The following ULK2 variants were observed in gnomAD, a reference collection of about 807,000 sequenced individuals.
ULK2 encodes unc-51 like autophagy activating kinase 2, also known as serine/threonine-protein kinase ULK2.
Under a neutral mutation model 127.5 loss-of-function variants are expected in ULK2, and 76 were observed. The observed-to-expected ratio is 0.60, with a 90% CI of 0.50 to 0.72. The LOEUF (loss-of-function observed/expected upper bound fraction) is 0.72, where lower values mean the gene tolerates loss of function less well. ULK2 is among the 30% of genes least tolerant of loss of function. ULK2 has a pLI of 0.00. For synonymous variants in ULK2, 452 were observed against 461.9 expected (o/e 0.98, Z 0.28); for missense variants, 1,144 against 1,295.9 (o/e 0.88, Z 1.80).
chr17:19,814,456 T>TTTTTTTTTTGTTTGTTTG (rs1555557161), intron 13 of ULK2, among the ~76,000 whole-genome samples: 2 of 18,252 alleles, frequency 1.1e-4, no homozygotes, highest in African/African-American at 1.9e-4. Flanking sequence ...TTTTTTTTTT[T>TTTTTTTTTTGTTTGTTTG]TTTTTTTGGA....
chr17:19,867,122 T>G (rs1341166764), intron 1 of ULK2, among the ~76,000 whole-genome samples: 1 of 151,934 alleles, frequency 6.6e-6, no homozygotes, highest in Non-Finnish European at 1.5e-5. Context: ...CAGCAGCCGG[T>G]CGGTAGGCGG....
intron 13 of ULK2, 109 bp downstream of exon 13, chr17:19,816,640 T>C (rs2040995800): frequency 1.0e-6 from 1 of 964,828 alleles, no homozygotes. Flanking sequence ...AATAAAATGC[T>C]CATTTGAAAA....
At chr17:19,831,672 A>C (rs2041446714) in intron 10 of ULK2, among the ~76,000 whole-genome samples, 1 of 151,808 alleles carries the variant, frequency 6.6e-6, no homozygotes, top group Non-Finnish European at 1.5e-5. Context: ...TAAAAACACA[A>C]ACAAATTAGC....
chr17:19,782,919 T>TAAACAAACAAAC (rs4005459), intron 22 of ULK2, among the ~76,000 whole-genome samples: 22 of 149,092 alleles, frequency 1.5e-4, no homozygotes, highest in Non-Finnish European at 2.4e-4. Context: ...CTGTCTCAAA[T>TAAACAAACAAAC]AAACAAACAA....
chr17:19,861,064 C>CAAAAAAAAAAAAAA (rs200551375), intron 3 of ULK2: 1 of 138,756 alleles, frequency 7.2e-6, no homozygotes, highest in Non-Finnish European at 1.6e-5. Flanking sequence ...GACTTCTTCT[C>CAAAAAAAAAAAAAA]AAAAAAAAAA....
intron 3 of ULK2, among the ~76,000 whole-genome samples, chr17:19,861,507 T>C (rs754867382): frequency 1.3e-5 from 2 of 151,816 alleles, no homozygotes; most frequent in South Asian, 2.1e-4. Context: ...ATCGCGCCAC[T>C]GCGCTCCAGC....
At chr17:19,781,543 C>T (rs1030912749) in intron 23 of ULK2, among the ~76,000 whole-genome samples, 1 of 152,094 alleles carries the variant, frequency 6.6e-6, no homozygotes, top group Non-Finnish European at 1.5e-5. Flanking sequence ...TAAGCTACTG[C>T]GACCAGCCCT....
rs958254170 is a variant in ULK2 at position 19,851,507 on chromosome 17, G to A, written c.226-1733C>T. On this transcript the variant is annotated intron_variant, in intron 3 of 26. Coordinates refer to ENST00000395544, the MANE Select transcript of ULK2 (RefSeq NM_014683.4). ...ACAAAGAAATTAGCCGGGCGTGGTG[G>A]TGCACGCCTGCAATCCCAGCTACTC... Among the ~76,000 whole-genome samples the A allele has an allele frequency of 5.9e-5, 9 of 151,638 alleles. 1 individual carries two copies. Among genetic ancestry groups the A allele is most frequent in the Admixed American group, 4.0e-4 (6 of 15,170 alleles).
intron 20 of ULK2, among the ~76,000 whole-genome samples, chr17:19,793,582 CAG>C (rs1208888633): frequency 6.6e-6 from 1 of 152,070 alleles, no homozygotes; most frequent in African/African-American, 2.4e-5. Context: ...GAAGAAAATA[CAG>C]AGTTAGGCAA....
At chr17:19,829,123 T>A (rs569447970) in intron 10 of ULK2, among the ~76,000 whole-genome samples, 4 of 152,062 alleles carry the variant, frequency 2.6e-5, no homozygotes, top group African/African-American at 9.6e-5. Flanking sequence ...ACACAAATAT[T>A]TGAAAGCAAA....
chr17:19,777,461 A>C, intron 26 of ULK2, 120 bp downstream of exon 26: 1 of 1,135,372 alleles, frequency 8.8e-7, no homozygotes, highest in Non-Finnish European at 1.2e-6. Context: ...GATTTGCACA[A>C]GGCTGGAAAG....
chr17:19,823,603 C>A (rs555407765), intron 12 of ULK2, among the ~76,000 whole-genome samples: 1 of 152,262 alleles, frequency 6.6e-6, no homozygotes, highest in Admixed American at 6.5e-5. Context: ...TGAGACTTTG[C>A]CATGGCTAGG....
At chr17:19,836,185 T>G (rs1597790542) in intron 10 of ULK2, among the ~76,000 whole-genome samples, 1 of 144,244 alleles carries the variant, frequency 6.9e-6, no homozygotes, top group Admixed American at 6.8e-5. Context: ...CCGAGGCAGG[T>G]GGATTATGAG....
chr17:19,820,709 G>A (rs1416164306), intron 12 of ULK2, among the ~76,000 whole-genome samples: 5 of 152,074 alleles, frequency 3.3e-5, no homozygotes, highest in African/African-American at 9.7e-5. Context: ...CTTCATGTAC[G>A]GAAATTCTTC....
chr17:19,840,838 G>C (rs539296539), intron 9 of ULK2, among the ~76,000 whole-genome samples: 4 of 151,880 alleles, frequency 2.6e-5, no homozygotes, highest in African/African-American at 9.7e-5. Flanking sequence ...GCAGTGAGCC[G>C]AGATCATGCC....
chr17:19,803,316 A>G (rs935664710), intron 15 of ULK2, among the ~76,000 whole-genome samples: 5 of 152,200 alleles, frequency 3.3e-5, no homozygotes, highest in East Asian at 1.9e-4. Flanking sequence ...AAAAATATTA[A>G]TTTTTACTGC....
In ULK2 at chr17:19,776,381, A is replaced by T; in HGVS notation, c.3079T>A (p.Ser1027Thr). 1 of 1,605,048 alleles carries T rather than the reference A, an allele frequency of 6.2e-7. No individual in the cohort carries two copies. Among genetic ancestry groups the T allele is most frequent in the Non-Finnish European group, 8.5e-7 (1 of 1,175,958 alleles). The change falls in exon 27 of 27, where the codon TCG (serine) becomes ACG (threonine). Residue 1027 changes from serine (S) to threonine (T), a missense_variant. Physicochemically the swap from Ser to Thr is moderately conservative, Grantham distance 58 (BLOSUM62 1). Coordinates refer to ENST00000395544, the MANE Select transcript of ULK2 (RefSeq NM_014683.4). Reference sequence around the variant, plus strand: ...GTTGCGGTGCTATGGCAGAGCGCCGACAGTCTTCTCTCAATACTACATTTA... The same window carrying T: ...GTTGCGGTGCTATGGCAGAGCGCCGTCAGTCTTCTCTCAATACTACATTTA... The part of the protein sequence containing the change: ...KYKCSIERRL[S>T]ALCHSTATV
rs192773265 is a variant in ULK2 at position 19,776,427 on chromosome 17, A to G, written c.3053-20T>C. The G allele has an allele frequency of 3.2e-6, 5 of 1,567,766 alleles. No individual in the cohort carries two copies. In the East Asian group the frequency reaches 1.2e-4, roughly 37 times the overall value. On this transcript the variant is annotated intron_variant, in intron 26 of 26. Coordinates refer to ENST00000395544, the MANE Select transcript of ULK2 (RefSeq NM_014683.4). ...ATTTATCTAGAAATAAAATAACAAA[A>G]ATGAAGAACTAATGAAAAAAATCAC...
chr17:19,797,358 A>G (rs2087293747), intron 18 of ULK2, 38 bp downstream of exon 18: 1 of 1,572,516 alleles, frequency 6.4e-7, no homozygotes, highest in Non-Finnish European at 8.6e-7. Flanking sequence ...AAAGTACTAT[A>G]CCAGTTCCTG....
Sources: gnomAD v4.1 joint callset for allele counts (sites outside exome capture counted in the v4.1 genomes callset) on GRCh38, gnomAD v4.1.1 for gene constraint, MANE v1.5 for transcripts, NCBI Gene and HGNC (gene_info 2026-07-23, HGNC 2026-07-21) for gene names.